Variants in SRPK2 observed in about 807,000 individuals in gnomAD.
SRPK2 encodes the protein SRSF protein kinase 2.
SRPK2 carries 21 observed loss-of-function variants against 90.8 expected under a neutral mutation model. That is an observed-to-expected ratio of 0.23 (90% confidence interval 0.16 to 0.33). SRPK2 has a LOEUF of 0.33. SRPK2 is among the 10% of genes least tolerant of loss of function. The pLI, the probability that SRPK2 is intolerant of heterozygous loss-of-function variation, is 1.00. For synonymous variants in SRPK2, 288 were observed against 311.1 expected, an observed-to-expected ratio of 0.93 and a Z score of 0.78; for missense variants, 620 against 869.0, an observed-to-expected ratio of 0.71 and a Z score of 3.60.
At chr7:105,386,346 C>T (rs1821603096) in intron 2 of SRPK2, among the ~76,000 whole-genome samples, 1 of 150,072 alleles carries the variant, frequency 6.7e-6, no homozygotes, top group Non-Finnish European at 1.5e-5. Context: ...CTAACACCAT[C>T]TCCGAAGACA....
upstream of SRPK2, among the ~76,000 whole-genome samples, chr7:105,391,183 AATTTATTTATTT>A (rs67760645): frequency 8.1e-5 from 12 of 148,314 alleles, no homozygotes; most frequent in South Asian, 6.4e-4. Context: ...ATGACTATAA[AATTTATTTATTT>A]ATTTATTTAT....
At chr7:105,179,213 C>T (rs540001544) in intron 3 of SRPK2, among the ~76,000 whole-genome samples, 23 of 152,204 alleles carry the variant, frequency 1.5e-4, no homozygotes, top group African/African-American at 4.3e-4. Flanking sequence ...TCAGGGATGT[C>T]GATTTGAATA....
At chr7:105,235,618 A>G (rs1800031445) in intron 2 of SRPK2, among the ~76,000 whole-genome samples, 1 of 152,236 alleles carries the variant, frequency 6.6e-6, no homozygotes, top group African/African-American at 2.4e-5. Context: ...TCCTCTCTAT[A>G]TCACAATCAC....
intron 3 of SRPK2, among the ~76,000 whole-genome samples, chr7:105,169,835 A>T (rs1235776379): frequency 6.6e-6 from 1 of 152,214 alleles, no homozygotes; most frequent in Non-Finnish European, 1.5e-5. Context: ...TTTATTTTTA[A>T]GACAGGGTCT....
At chr7:105,278,720 GGGAAAGGGGGAAAA>G (rs1352804512) in intron 2 of SRPK2, among the ~76,000 whole-genome samples, 1 of 151,178 alleles carries the variant, frequency 6.6e-6, no homozygotes, top group East Asian at 1.9e-4. Flanking sequence ...AAGAGGAAAG[GGGAAAGGGGGAAAA>G]GGAAAGGGGA....
chr7:105,231,722 A>G (rs1799446194), intron 2 of SRPK2, among the ~76,000 whole-genome samples: 1 of 152,168 alleles, frequency 6.6e-6, no homozygotes. Context: ...TTCTTTTGAA[A>G]AGTGTCTATG....
chr7:105,228,740 A>G (rs1799040442), intron 2 of SRPK2, among the ~76,000 whole-genome samples: 1 of 152,054 alleles, frequency 6.6e-6, no homozygotes, highest in South Asian at 2.1e-4. Context: ...CTAAGAGAAT[A>G]CCGTAACACT....
At chr7:105,193,638 C>T (rs115839706) in intron 3 of SRPK2, among the ~76,000 whole-genome samples, 1,623 of 152,260 alleles carry the variant, frequency 0.011, 19 homozygotes, top group African/African-American at 0.03. Flanking sequence ...TGGTCATTTT[C>T]GCAATACTGA....
intron 3 of SRPK2, among the ~76,000 whole-genome samples, chr7:105,175,744 C>T (rs1051938816): frequency 6.6e-6 from 1 of 151,764 alleles, no homozygotes; most frequent in African/African-American, 2.4e-5. Context: ...TCATGTTATA[C>T]CTATACATGT....
intron 2 of SRPK2, among the ~76,000 whole-genome samples, chr7:105,292,919 T>G (rs1311428300): frequency 6.6e-6 from 1 of 152,230 alleles, no homozygotes; most frequent in African/African-American, 2.4e-5. Context: ...CTGCTTCTGT[T>G]TGAGCATCTC....
chr7:105,219,550 A>G (rs958900620), intron 2 of SRPK2, among the ~76,000 whole-genome samples: 4 of 152,216 alleles, frequency 2.6e-5, no homozygotes, highest in South Asian at 4.1e-4. Flanking sequence ...AAGTGCTAGA[A>G]GCCACTCCCT....
intron 1 of SRPK2, among the ~76,000 whole-genome samples, chr7:105,397,730 G>A (rs768922611): frequency 6.6e-6 from 1 of 151,760 alleles, no homozygotes; most frequent in Non-Finnish European, 1.5e-5. Context: ...TACAACCTCC[G>A]CCTCATGGGT....
intron 2 of SRPK2, among the ~76,000 whole-genome samples, chr7:105,384,345 A>T (rs1374650688): frequency 6.6e-6 from 1 of 152,166 alleles, no homozygotes; most frequent in African/African-American, 2.4e-5. Context: ...ACAGGATTAA[A>T]ATTTTGACCC....
intron 2 of SRPK2, among the ~76,000 whole-genome samples, chr7:105,278,679 C>G (rs1050427148): frequency 1.1e-4 from 17 of 148,772 alleles, no homozygotes; most frequent in African/African-American, 4.2e-4. Context: ...GAGCCAGACT[C>G]CGTGAAGAAG....
intron 2 of SRPK2, among the ~76,000 whole-genome samples, chr7:105,322,756 A>G (rs1813085343): frequency 6.6e-6 from 1 of 152,160 alleles, no homozygotes; most frequent in Non-Finnish European, 1.5e-5. Flanking sequence ...ATTAAAAAAA[A>G]AAAAACAGTT....
chr7:105,396,820 A>AAGAAAGAAAG (rs1465992051), intron 1 of SRPK2, among the ~76,000 whole-genome samples: 4 of 120,190 alleles, frequency 3.3e-5, no homozygotes, highest in African/African-American at 1.3e-4. Context: ...GAAAGAGAGA[A>AAGAAAGAAAG]AGAGAGAGAG....
At chr7:105,272,896 G>C (rs1266023143) in intron 2 of SRPK2, among the ~76,000 whole-genome samples, 1 of 152,084 alleles carries the variant, frequency 6.6e-6, no homozygotes, top group African/African-American at 2.4e-5. Context: ...AGGGATCCCA[G>C]GCTAGTTCCC....
chr7:105,184,304 C>T (rs563121615), intron 3 of SRPK2, among the ~76,000 whole-genome samples: 1 of 151,986 alleles, frequency 6.6e-6, no homozygotes, highest in African/African-American at 2.4e-5. Flanking sequence ...TCCTTTATTT[C>T]TTACATACAT....
At chr7:105,245,515 G>T (rs1801526490) in intron 2 of SRPK2, among the ~76,000 whole-genome samples, 1 of 152,174 alleles carries the variant, frequency 6.6e-6, no homozygotes, top group Non-Finnish European at 1.5e-5. Flanking sequence ...AAGGGCGGAG[G>T]AACAGGAAGA....
Sources: allele counts gnomAD v4.1 joint callset (sites outside exome capture counted in the v4.1 genomes callset), GRCh38; gene constraint gnomAD v4.1.1; transcripts MANE v1.5; gene names NCBI Gene and HGNC (gene_info 2026-07-23, HGNC 2026-07-21).